GPM6A: variants seen among roughly 807,000 people sequenced by gnomAD.
GPM6A encodes the protein glycoprotein M6A.
In GPM6A, 7 loss-of-function variants were observed where a neutral mutation model predicts 32.1. That is an observed-to-expected ratio of 0.22 (90% confidence interval 0.12 to 0.41). The LOEUF is 0.41. Among genes scored for constraint, GPM6A ranks in the 10% least tolerant of loss-of-function variants. The pLI, the probability that GPM6A is intolerant of heterozygous loss-of-function variation, is 1.00. For synonymous variants in GPM6A, 130 were observed against 123.4 expected (o/e 1.05, Z -0.35); for missense variants, 235 against 347.2 (o/e 0.68, Z 2.57).
intron 1 of GPM6A, among the ~76,000 whole-genome samples, chr4:175,942,192 A>T (rs55843342): frequency 6.6e-6 from 1 of 151,982 alleles, no homozygotes; most frequent in Non-Finnish European, 1.5e-5. Context: ...TGAGAAGTGT[A>T]TGTTCTTATC....
At chr4:175,671,565 T>TC (rs986126190) in intron 3 of GPM6A, among the ~76,000 whole-genome samples, 2 of 143,386 alleles carry the variant, frequency 1.4e-5, no homozygotes, top group Non-Finnish European at 3.0e-5. Context: ...ATCTTTCTTT[T>TC]CCCCTCGATT....
chr4:175,650,270 T>TTTTATTTATTTA (rs140528336), intron 4 of GPM6A, among the ~76,000 whole-genome samples: 6 of 143,068 alleles, frequency 4.2e-5, no homozygotes, highest in African/African-American at 1.0e-4. Context: ...GATTTCATTA[T>TTTTATTTATTTA]TTTATTTATT....
chr4:175,909,039 G>GGGC (rs1379804189), intron 1 of GPM6A, among the ~76,000 whole-genome samples: 7 of 46,166 alleles, frequency 1.5e-4, no homozygotes, highest in African/African-American at 4.0e-4. Flanking sequence ...AAAAAAAAAA[G>GGGC]GGCGGGGGGG....
Position 175,633,608 on chromosome 4 carries a change from G to T in GPM6A, c.*1297C>A, listed in dbSNP as rs1740419845. 6.6e-6 allele frequency: 1 copy of T among 152,446 alleles called. No individual in the cohort carries two copies. Among genetic ancestry groups the T allele is most frequent in the Admixed American group, 6.6e-5 (1 of 15,248 alleles). 9.4% of individuals were successfully genotyped at this position (152,446 alleles called of 1,614,324 possible). The stretch of plus-strand genomic sequence containing the variant: ...ACTTTACAGCATTCTTGTAGCATTA[G>T]AAATAATGAAAAGAAGAGCGTCAAG... On this transcript the variant is annotated 3_prime_UTR_variant, in exon 7 of 7. Transcript: ENST00000393658.
chr4:175,890,647 G>T (rs1213665271), intron 1 of GPM6A, among the ~76,000 whole-genome samples: 2 of 151,772 alleles, frequency 1.3e-5, no homozygotes, highest in African/African-American at 2.4e-5. Context: ...GCCCACCGCA[G>T]CCTCTAACTG....
rs371754116 is a variant in GPM6A at position 175,908,446 on chromosome 4, G to T, written c.-23+93863C>A. ...ATCCTACCAGTCTCTACAGGCTAGT[G>T]TTACTCATTCCCCTGGCTTTAATTT... is the stretch of plus-strand genomic sequence containing the variant. On this transcript the variant is annotated intron_variant, in intron 1 of 7. Transcript: ENST00000280187. Among the ~76,000 whole-genome samples, 4 of 152,174 alleles carry T rather than the reference G, an allele frequency of 2.6e-5. No homozygotes were observed. In the East Asian group the frequency reaches 5.8e-4, roughly 22 times the overall value.
intron 1 of GPM6A, among the ~76,000 whole-genome samples, chr4:175,910,391 C>T (rs1012312884): frequency 6.6e-6 from 1 of 152,138 alleles, no homozygotes; most frequent in Non-Finnish European, 1.5e-5. Context: ...GGTGCAGGTG[C>T]TCCCAGCTTA....
chr4:175,701,179 G>A (rs1031386740), intron 2 of GPM6A, among the ~76,000 whole-genome samples: 3 of 152,090 alleles, frequency 2.0e-5, no homozygotes, highest in Non-Finnish European at 4.4e-5. Flanking sequence ...TCTTTTAAAG[G>A]TGGGAGCACC....
chr4:175,702,903 A>C (rs1280140231), intron 1 of GPM6A, among the ~76,000 whole-genome samples: 3 of 152,280 alleles, frequency 2.0e-5, no homozygotes, highest in African/African-American at 7.2e-5. Context: ...TCATAATGAA[A>C]ATCTACTTCT....
intron 1 of GPM6A, among the ~76,000 whole-genome samples, chr4:175,703,808 G>T (rs964181518): frequency 6.6e-6 from 1 of 152,146 alleles, no homozygotes; most frequent in African/African-American, 2.4e-5. Context: ...AAGGGTACTT[G>T]CAAGGATGAC....
At chr4:175,889,531 A>C (rs1737568377) in intron 1 of GPM6A, among the ~76,000 whole-genome samples, 1 of 143,952 alleles carries the variant, frequency 6.9e-6, no homozygotes, top group Non-Finnish European at 1.5e-5. Context: ...AAAAAAAAAA[A>C]GAGGCCAGGC....
chr4:175,890,363 A>G (rs908016225), intron 1 of GPM6A, among the ~76,000 whole-genome samples: 1 of 152,190 alleles, frequency 6.6e-6, no homozygotes, highest in Non-Finnish European at 1.5e-5. Flanking sequence ...AGTTCTTGAC[A>G]GCACTACCTA....
intron 1 of GPM6A, among the ~76,000 whole-genome samples, chr4:175,714,827 C>T (rs2111100745): frequency 6.6e-6 from 1 of 151,866 alleles, no homozygotes; most frequent in East Asian, 1.9e-4. Context: ...GTCAACATGA[C>T]TTAGCAAAAC....
intron 1 of GPM6A, among the ~76,000 whole-genome samples, chr4:175,877,859 C>T (rs150032023): frequency 9.9e-5 from 15 of 152,124 alleles, no homozygotes; most frequent in Admixed American, 2.6e-4. Flanking sequence ...GTCTCCTCTA[C>T]GACAAGGCAA....
At chr4:175,681,952 T>C (rs567989223) in intron 2 of GPM6A, among the ~76,000 whole-genome samples, 3 of 151,792 alleles carry the variant, frequency 2.0e-5, no homozygotes, top group African/African-American at 7.2e-5. Context: ...CAGGCAGAGG[T>C]TGAGAGAGTT....
intron 1 of GPM6A, among the ~76,000 whole-genome samples, chr4:175,719,746 T>C (rs1396900067): frequency 1.3e-5 from 2 of 152,166 alleles, no homozygotes; most frequent in African/African-American, 4.8e-5. Flanking sequence ...AAAGTAGATA[T>C]GTCACTTCTG....
At chr4:175,838,219 G>A (rs1165523248) in intron 1 of GPM6A, among the ~76,000 whole-genome samples, 1 of 150,610 alleles carries the variant, frequency 6.6e-6, no homozygotes, top group Non-Finnish European at 1.5e-5. Context: ...AGAAAGTAAA[G>A]CACTTCTTGA....
At chr4:175,821,730 C>T (rs1295536451) in intron 1 of GPM6A, among the ~76,000 whole-genome samples, 1 of 151,712 alleles carries the variant, frequency 6.6e-6, no homozygotes, top group Non-Finnish European at 1.5e-5. Flanking sequence ...TATACTAAAT[C>T]TCTCAAGACT....
chr4:175,736,084 G>T (rs1731647431), intron 1 of GPM6A, among the ~76,000 whole-genome samples: 1 of 152,078 alleles, frequency 6.6e-6, no homozygotes, highest in African/African-American at 2.4e-5. Flanking sequence ...GGAATGCAGT[G>T]GTGCAATCAT....
Sources: gnomAD v4.1 joint callset for allele counts (sites outside exome capture counted in the v4.1 genomes callset) on GRCh38, gnomAD v4.1.1 for gene constraint, MANE v1.5 for transcripts, NCBI Gene and HGNC (gene_info 2026-07-23, HGNC 2026-07-21) for gene names.